MTOR: variants seen among roughly 807,000 people sequenced by gnomAD.
MTOR encodes mechanistic target of rapamycin kinase.
MTOR carries 70 observed loss-of-function variants against 319.8 expected under a neutral mutation model. That is an observed-to-expected ratio of 0.22 (90% CI 0.18 to 0.27). MTOR has a LOEUF of 0.27. Ranked by LOEUF, MTOR falls within the 10% of genes least tolerant of loss-of-function variation. The probability of loss-of-function intolerance (pLI) is 1.00; values close to 1 mark genes in which losing one functional copy is unlikely to be tolerated. For synonymous variants in MTOR, 1,183 were observed against 1,211.4 expected, an observed-to-expected ratio of 0.98 and a Z score of 0.49; for missense variants, 1,890 against 3,274.4, an observed-to-expected ratio of 0.58 and a Z score of 10.32.
chr1:11,208,016 A>G (rs191718860), intron 25 of MTOR, among the ~76,000 whole-genome samples: 6 of 152,180 alleles, frequency 3.9e-5, no homozygotes, highest in African/African-American at 1.4e-4. Context: ...AGAGAGAACA[A>G]AGCTCTAAAG....
intron 19 of MTOR, among the ~76,000 whole-genome samples, chr1:11,216,694 G>A (rs1468615587): frequency 6.6e-6 from 1 of 151,210 alleles, no homozygotes; most frequent in African/African-American, 2.4e-5. Flanking sequence ...AATGGTGATA[G>A]TGGTGGGGAC....
Position 11,118,514 on chromosome 1 carries a change from C to T in MTOR, c.6934-1428G>A, listed in dbSNP as rs373536615. ...CCTCCTAAAGTGCTGGGATTACAGG[C>T]GTGAACCACCGTGCCTGGTCTTGTT... On this transcript the variant is annotated intron_variant, in intron 49 of 57. Transcript: ENST00000361445. 3.8e-4 allele frequency among the ~76,000 whole-genome samples: 58 copies of T among 151,204 alleles called. No homozygotes were observed. In the South Asian group the frequency reaches 0.012, roughly 31 times the overall value.
At chr1:11,159,896 A>G (rs1644422031) in intron 29 of MTOR, among the ~76,000 whole-genome samples, 1 of 152,128 alleles carries the variant, frequency 6.6e-6, no homozygotes, top group African/African-American at 2.4e-5. Context: ...CGGGAATTCA[A>G]TACTAAGTTG....
At chr1:11,173,389 C>T (rs1241157873) in intron 28 of MTOR, among the ~76,000 whole-genome samples, 48 of 152,082 alleles carry the variant, frequency 3.2e-4, no homozygotes, top group Non-Finnish European at 7.4e-5. Context: ...CCCCTGGACT[C>T]ACGCAATCCT....
At position 11,189,845 on chromosome 1, in the gene MTOR, A is replaced by T. The variant is rs370442803; in HGVS notation, c.4253+9413T>A. ...GTGATGGAGCTGGAGAGCAACAGCA[A>T]GCGCATGGAGTCGCGGCTCACAGAT... On this transcript the variant is annotated intron_variant, in intron 28 of 57. Transcript: ENST00000361445. 321 of 1,614,222 alleles carry T rather than the reference A, an allele frequency of 2.0e-4. 2 individuals are homozygous for T. The East Asian group carries it at 3.3e-3, about 17-fold the overall frequency.
At chr1:11,195,217 T>C (rs28991015) in intron 28 of MTOR, 1 of 636,406 alleles carries the variant, frequency 1.6e-6, no homozygotes, top group Admixed American at 3.1e-5. Flanking sequence ...CAGGATGAAC[T>C]ATTTAAACCC....
chr1:11,200,003 T>A (rs1172513094), intron 26 of MTOR, among the ~76,000 whole-genome samples: 1 of 152,164 alleles, frequency 6.6e-6, no homozygotes, highest in Non-Finnish European at 1.5e-5. Flanking sequence ...ATTGTGATAT[T>A]CAGGGACTTG....
At chr1:11,261,599 C>T (rs918388574) in intron 1 of MTOR, among the ~76,000 whole-genome samples, 10 of 152,168 alleles carry the variant, frequency 6.6e-5, no homozygotes, top group African/African-American at 2.4e-4. Flanking sequence ...AAACCAATTT[C>T]TCAAAATTCT....
At chr1:11,201,024 A>AT (rs530610872) in intron 26 of MTOR, among the ~76,000 whole-genome samples, 1 of 151,898 alleles carries the variant, frequency 6.6e-6, no homozygotes, top group South Asian at 2.1e-4. Flanking sequence ...CAAAAAAAAA[A>AT]AAAAAATTAA....
chr1:11,145,599 G>A (rs1451644739), intron 32 of MTOR, among the ~76,000 whole-genome samples: 4 of 151,830 alleles, frequency 2.6e-5, no homozygotes, highest in Admixed American at 1.3e-4. Context: ...TGGTTCAAGC[G>A]ATTCTCTTGC....
chr1:11,256,797 A>G, intron 4 of MTOR, 136 bp downstream of exon 4: 1 of 789,426 alleles, frequency 1.3e-6, no homozygotes, highest in African/African-American at 1.7e-5. Context: ...GACGGACTCT[A>G]CCCCATCTCA....
intron 31 of MTOR, among the ~76,000 whole-genome samples, chr1:11,147,477 C>T (rs777417287): frequency 3.3e-5 from 5 of 152,226 alleles, no homozygotes; most frequent in Non-Finnish European, 7.3e-5. Flanking sequence ...CCAAGACCAT[C>T]TGCAGAAAAG....
chr1:11,250,690 C>A (rs1402613233), intron 6 of MTOR, among the ~76,000 whole-genome samples: 2 of 152,156 alleles, frequency 1.3e-5, no homozygotes, highest in Non-Finnish European at 2.9e-5. Context: ...ATCCCCCTTG[C>A]CCAGCTCTCT....
chr1:11,252,289 T>C (rs1649800099), intron 6 of MTOR, among the ~76,000 whole-genome samples: 1 of 152,132 alleles, frequency 6.6e-6, no homozygotes. Flanking sequence ...TTTTTTTTTC[T>C]TTTTAAAAAG....
intron 29 of MTOR, among the ~76,000 whole-genome samples, chr1:11,161,241 G>A (rs1167868570): frequency 7.2e-5 from 11 of 152,346 alleles, no homozygotes; most frequent in Admixed American, 7.2e-4. Context: ...TGGCGGAGGG[G>A]TGCCCACCAT....
chr1:11,145,796 G>A (rs1643910675), intron 32 of MTOR, among the ~76,000 whole-genome samples: 2 of 152,174 alleles, frequency 1.3e-5, no homozygotes, highest in African/African-American at 4.8e-5. Flanking sequence ...GAGCCACTGT[G>A]CCCAGCCTGG....
At chr1:11,160,075 C>CATTTATTTATTT (rs70977549) in intron 29 of MTOR, among the ~76,000 whole-genome samples, 46,637 of 143,138 alleles carry the variant, frequency 0.33, 8,418 homozygotes, top group East Asian at 0.47. Flanking sequence ...TCAATTATAG[C>CATTTATTTATTT]ATTTATTTAT....
rs1646236992 is a variant in MTOR, at chr1:11,209,255, GAGTA to G, written c.3801+53_3801+56del. The G allele has an allele frequency of 2.5e-6, 4 of 1,606,632 alleles. No homozygotes were observed. The African/African-American group carries it at 5.4e-5, about 22-fold the overall frequency. On this transcript the variant is annotated intron_variant, in intron 25 of 57. Transcript: ENST00000361445. ...CCCAGTTTAAACAGTTAAAAGTTTT[GAGTA>G]AGTGAGAAGAGCAGAGCTCTCCTTT...
chr1:11,254,876 C>T (rs192409847), intron 5 of MTOR, among the ~76,000 whole-genome samples: 136 of 151,856 alleles, frequency 9.0e-4, no homozygotes, highest in African/African-American at 3.1e-3. Context: ...GCAATTCTCC[C>T]GCCTCAGCCT....
Sources: gnomAD v4.1 joint callset for allele counts (sites outside exome capture counted in the v4.1 genomes callset) on GRCh38, gnomAD v4.1.1 for gene constraint, MANE v1.5 for transcripts, NCBI Gene and HGNC (gene_info 2026-07-23, HGNC 2026-07-21) for gene names.